The following KMT2C variants were observed in gnomAD, a reference collection of about 807,000 sequenced individuals.
KMT2C encodes histone-lysine N-methyltransferase 2C.
KMT2C carries 88 observed loss-of-function variants against 507.9 expected under a neutral mutation model. The observed-to-expected ratio is 0.17, with a 90% CI of 0.15 to 0.21. KMT2C has a LOEUF of 0.21. Among genes scored for constraint, KMT2C ranks in the 10% least tolerant of loss-of-function variants. KMT2C has a pLI of 1.00. For synonymous variants in KMT2C, 2,049 were observed against 2,080.8 expected (o/e 0.98, Z 0.42); for missense variants, 4,954 against 5,957.8 (o/e 0.83, Z 5.55).
chr7:152,362,901 C>T (rs1261082645), intron 1 of KMT2C, among the ~76,000 whole-genome samples: 3 of 152,212 alleles, frequency 2.0e-5, no homozygotes, highest in African/African-American at 7.2e-5. Context: ...ATGCTTTTTA[C>T]GTTGATCAAT....
At chr7:152,327,158 G>C (rs2096836492) in intron 3 of KMT2C, among the ~76,000 whole-genome samples, 1 of 152,170 alleles carries the variant, frequency 6.6e-6, no homozygotes, top group African/African-American at 2.4e-5. Flanking sequence ...TTTCCATGTG[G>C]CATGAGCATC....
rs1306861797 is a variant in KMT2C, at chr7:152,248,357, T to G, written c.2077A>C (p.Thr693Pro). ...GACACTAAGGTTTCTAGTGGAAGAG[T>G]GACAGATTCCATGACTAATTTTGGA... ...RPPKLVMESV[T>P]LPLETLVSPH... is the part of the protein sequence containing the mutation. The change falls in exon 14 of 59, where the codon ACT (threonine) becomes CCT (proline). Residue 693 changes from threonine (T) to proline (P), a missense_variant. This residue lies in a region of KMT2C where 376 missense variants were observed against 352.4 expected (regional missense o/e 1.07). Coordinates refer to ENST00000262189, the MANE Select transcript of KMT2C (RefSeq NM_170606.3). The G allele has an allele frequency of 6.2e-7, 1 of 1,613,866 alleles. No homozygotes were observed. The highest frequency in any genetic ancestry group is 8.5e-7 in the Non-Finnish European group (1 of 1,179,874).
In KMT2C at chr7:152,248,354, G is replaced by A. The variant is rs2129164289; in HGVS notation, c.2080C>T (p.Leu694Phe). ...PPKLVMESVT[L>F]PLETLVSPHE... ...GGGGACACTAAGGTTTCTAGTGGAAGAGTGACAGATTCCATGACTAATTTT... is the reference window on the plus strand; with the variant it reads ...GGGGACACTAAGGTTTCTAGTGGAAAAGTGACAGATTCCATGACTAATTTT... Residue 694 changes from leucine to phenylalanine, a missense_variant, in exon 14 of 59, where the codon CTT becomes TTT. By Grantham distance (22) the Leu-to-Phe change is conservative. Transcript: ENST00000262189. 1 of 1,613,948 alleles carries A rather than the reference G, an allele frequency of 6.2e-7. No individual in the cohort carries two copies. Among genetic ancestry groups the A allele is most frequent in the Non-Finnish European group, 8.5e-7 (1 of 1,179,888 alleles).
intron 1 of KMT2C, among the ~76,000 whole-genome samples, chr7:152,414,971 C>G (rs1589870232): frequency 1.3e-5 from 2 of 152,062 alleles, no homozygotes. Flanking sequence ...TCCTCAGTCT[C>G]CCAAACAGCT....
At chr7:152,147,926 A>T (rs2091302633) in intron 52 of KMT2C, 107 bp downstream of exon 52, 1 of 1,214,704 alleles carries the variant, frequency 8.2e-7, no homozygotes, top group Admixed American at 2.7e-5. Context: ...TACACATTAT[A>T]AAATATAAAA....
chr7:152,435,632 C>T lies in KMT2C; in HGVS notation c.155G>A (p.Arg52Lys), dbSNP rs2116821122. 1 of 1,526,156 alleles carries T rather than the reference C, an allele frequency of 6.6e-7. No individual in the cohort carries two copies. Among genetic ancestry groups the T allele is most frequent in the Non-Finnish European group, 8.8e-7 (1 of 1,134,210 alleles). 94.5% of individuals were successfully genotyped at this position (1,526,156 alleles called of 1,614,324 possible). ...TCCCTCGCACTCAACTTACTTCTTTCTGGCTCTCTGGAAAGGGGAAGCGCC... is the reference window on the plus strand; with the variant it reads ...TCCCTCGCACTCAACTTACTTCTTTTTGGCTCTCTGGAAAGGGGAAGCGCC... The part of the protein sequence containing the change: ...KDGASPFQRA[R>K]KKPRSRGKTA... The change falls in exon 1 of 59, where the codon AGA (arginine) becomes AAA (lysine). Residue 52 changes from arginine to lysine, a missense_variant. Coordinates refer to ENST00000262189, the MANE Select transcript of KMT2C (RefSeq NM_170606.3).
chr7:152,185,791 G>A (rs2093608963), intron 33 of KMT2C, among the ~76,000 whole-genome samples, 160 bp from the exon 34 acceptor site: 1 of 152,198 alleles, frequency 6.6e-6, no homozygotes, highest in Non-Finnish European at 1.5e-5. Context: ...CAAAGATCGT[G>A]GCACACTGTA....
At position 152,194,144 on chromosome 7, in the gene KMT2C, A is replaced by T; in HGVS notation, c.4541-16T>A. ...CCGCCAAGCTCTAGGAGATAAAACA[A>T]TAATAGTAACAAGATTAAAAGACTA... On this transcript the variant is annotated splice_polypyrimidine_tract_variant and intron_variant, in intron 30 of 58. Transcript: ENST00000262189. The T allele has an allele frequency of 6.4e-7, 1 of 1,567,426 alleles. No individual in the cohort carries two copies. The highest frequency in any genetic ancestry group is 8.6e-7 in the Non-Finnish European group (1 of 1,165,210).
At chr7:152,393,631 T>C (rs556574708) in intron 1 of KMT2C, among the ~76,000 whole-genome samples, 8 of 152,272 alleles carry the variant, frequency 5.3e-5, no homozygotes, top group Admixed American at 4.6e-4. Context: ...AAAAATCTGT[T>C]GGCCGAGCGC....
chr7:152,307,302 G>A, intron 6 of KMT2C, among the ~76,000 whole-genome samples: 1 of 131,680 alleles, frequency 7.6e-6, no homozygotes, highest in East Asian at 2.5e-4. Context: ...AGGAAGGAAG[G>A]AAGGAAGACG....
intron 6 of KMT2C, among the ~76,000 whole-genome samples, chr7:152,303,976 G>C (rs1309333167): frequency 6.6e-6 from 1 of 152,006 alleles, no homozygotes; most frequent in Non-Finnish European, 1.5e-5. Context: ...GAGACAGAGA[G>C]AGACTATGTC....
chr7:152,152,404 G>A (rs1011731028), intron 49 of KMT2C, among the ~76,000 whole-genome samples: 7 of 152,290 alleles, frequency 4.6e-5, no homozygotes, highest in African/African-American at 1.7e-4. Flanking sequence ...TGGGGGTTGG[G>A]AGACAGGAAG....
At chr7:152,435,321 G>A (rs2097906948) in intron 1 of KMT2C, among the ~76,000 whole-genome samples, 1 of 152,070 alleles carries the variant, frequency 6.6e-6, no homozygotes, top group African/African-American at 2.4e-5. Flanking sequence ...GCGGCTACGA[G>A]AAATTTCTCC....
intron 5 of KMT2C, 69 bp downstream of exon 5, chr7:152,311,729 T>A (rs964617903): frequency 4.4e-6 from 5 of 1,144,154 alleles, no homozygotes; most frequent in Admixed American, 2.2e-5. Flanking sequence ...ATTGAGGACA[T>A]TAATAATGTA....
chr7:152,236,407 T>C (rs1339124526), intron 15 of KMT2C, among the ~76,000 whole-genome samples: 2 of 152,214 alleles, frequency 1.3e-5, no homozygotes, highest in Non-Finnish European at 2.9e-5. Flanking sequence ...TCCCATATAG[T>C]AGGTTTTATT....
rs2096656179 is a variant in KMT2C, at chr7:152,309,991, T to G, written c.824A>C (p.Lys275Thr). 1 of 1,612,460 alleles carries G rather than the reference T, an allele frequency of 6.2e-7. No individual in the cohort carries two copies. Among genetic ancestry groups the G allele is most frequent in the Admixed American group, 1.7e-5 (1 of 59,992 alleles). ...MEEPLLVNVDKAVVSGSTERC... is the reference protein window; with the variant it reads ...MEEPLLVNVDTAVVSGSTERC... ...TTCTGTGCTCCCTGAGACAACAGCT[T>G]TGTCCACGTTCACTAACAATGGTTC... is the stretch of plus-strand genomic sequence containing the variant. Residue 275 changes from lysine (K) to threonine (T), a missense_variant, in exon 6 of 59, where the codon AAA (lysine) becomes ACA (threonine). Lys to Thr is a moderately conservative substitution (Grantham distance 78). Around this residue, in one of 29 missense-constraint regions of KMT2C, gnomAD observed 24 missense variants for 82.7 expected, o/e 0.29. Coordinates refer to ENST00000262189, the MANE Select transcript of KMT2C (RefSeq NM_170606.3).
intron 1 of KMT2C, chr7:152,367,643 T>C: frequency 7.0e-7 from 1 of 1,425,474 alleles, no homozygotes; most frequent in Non-Finnish European, 9.9e-7. Context: ...AATCCAAAGT[T>C]TTAATCAAAG....
chr7:152,228,235 A>C (rs757183957), intron 18 of KMT2C, among the ~76,000 whole-genome samples: 2 of 152,172 alleles, frequency 1.3e-5, no homozygotes, highest in Non-Finnish European at 2.9e-5. Context: ...TCATAAACAA[A>C]AACTATGGAG....
chr7:152,431,420 A>G (rs766098676), intron 1 of KMT2C, among the ~76,000 whole-genome samples: 4 of 152,006 alleles, frequency 2.6e-5, no homozygotes, highest in Non-Finnish European at 5.9e-5. Context: ...AACAGGGTGA[A>G]ACCCCGTCTC....
Sources: gnomAD v4.1 joint callset for allele counts (sites outside exome capture counted in the v4.1 genomes callset) on GRCh38, gnomAD v4.1.1 for gene constraint, gnomAD v4.1.1 regional missense constraint, MANE v1.5 for transcripts, NCBI Gene and HGNC (gene_info 2026-07-23, HGNC 2026-07-21) for gene names.